Variants in ZBTB37 observed in about 807,000 individuals in gnomAD.
ZBTB37 encodes zinc finger and BTB domain-containing protein 37.
Under a neutral mutation model 37.7 loss-of-function variants are expected in ZBTB37, and 15 were observed. That is an observed-to-expected ratio of 0.40 (90% CI 0.27 to 0.61). ZBTB37 has a LOEUF of 0.61. Among genes scored for constraint, ZBTB37 ranks in the 20% least tolerant of loss-of-function variants. The pLI, the probability that ZBTB37 is intolerant of heterozygous loss-of-function variation, is 0.44. For synonymous variants in ZBTB37, 231 were observed against 220.6 expected, an observed-to-expected ratio of 1.05 and a Z score of -0.42; for missense variants, 514 against 641.9, an observed-to-expected ratio of 0.80 and a Z score of 2.15.
exon 4 of ZBTB37, chr1:173,898,650 G>T (rs1409845192): frequency 6.6e-6 from 1 of 152,118 alleles, no homozygotes; most frequent in Non-Finnish European, 1.5e-5. Flanking sequence ...TAGTCATGAT[G>T]TCCTCACCTG....
chr1:173,878,286 A>G (rs1391324382), intron 4 of ZBTB37, among the ~76,000 whole-genome samples: 2 of 152,110 alleles, frequency 1.3e-5, no homozygotes, highest in Non-Finnish European at 2.9e-5. Context: ...TTTTATTTGC[A>G]TTAGTTTTGT....
chr1:173,884,782 C>T (rs1572069363), intron 4 of ZBTB37, among the ~76,000 whole-genome samples: 1 of 152,154 alleles, frequency 6.6e-6, no homozygotes, highest in East Asian at 1.9e-4. Context: ...AGCCATTAGC[C>T]ACTTGTCACA....
chr1:173,876,103 C>T (rs1652981648), intron 4 of ZBTB37, among the ~76,000 whole-genome samples: 1 of 151,956 alleles, frequency 6.6e-6, no homozygotes, highest in African/African-American at 2.4e-5. Context: ...CTCTCCTTAG[C>T]AACTAGTATG....
At chr1:173,874,365 C>T (rs901241573) in intron 4 of ZBTB37, among the ~76,000 whole-genome samples, 1 of 147,294 alleles carries the variant, frequency 6.8e-6, no homozygotes, top group Admixed American at 6.7e-5. Context: ...GACGGAGTCT[C>T]GAGTCTCACC....
In ZBTB37 at chr1:173,879,856, C is replaced by A. The variant is rs542868219; in HGVS notation, c.1024-5780C>A. ...ATCTCAGCTACTCGGGAGGCTGCAACAGGAGAATCACTTGAACCTGGGAGG... is the reference window on the plus strand; with the variant it reads ...ATCTCAGCTACTCGGGAGGCTGCAAAAGGAGAATCACTTGAACCTGGGAGG... On this transcript the variant is annotated intron_variant, in intron 4 of 4. Transcript: ENST00000427304. 2.6e-5 allele frequency among the ~76,000 whole-genome samples: 4 copies of A among 152,270 alleles called. No individual in the cohort carries two copies. The South Asian group carries it at 8.3e-4, about 32-fold the overall frequency.
chr1:173,873,577 G>C lies in ZBTB37; in HGVS notation c.1023+11G>C. 1 of 1,614,006 alleles carries C rather than the reference G, an allele frequency of 6.2e-7. No homozygotes were observed. Among genetic ancestry groups the C allele is most frequent in the East Asian group, 2.2e-5 (1 of 44,878 alleles). On this transcript the variant is annotated intron_variant, in intron 4 of 4. Coordinates refer to ENST00000427304, the Ensembl canonical transcript of ZBTB37. ...CAACCCAGCTCCCAGGTATGGAGTTGTGGATTTAGAACTGCTTTGGTGGTT... is the reference window on the plus strand; with the variant it reads ...CAACCCAGCTCCCAGGTATGGAGTTCTGGATTTAGAACTGCTTTGGTGGTT...
At chr1:173,869,793 T>C (rs935453133) in intron 2 of ZBTB37, among the ~76,000 whole-genome samples, 2 of 152,234 alleles carry the variant, frequency 1.3e-5, no homozygotes, top group African/African-American at 4.8e-5. Flanking sequence ...TAGAATTGCA[T>C]TTATTCAGAA....
chr1:173,873,329 A>G (rs9286895), intron 3 of ZBTB37, 138 bp from the exon 4 acceptor site: 309,202 of 809,560 alleles, frequency 0.38, 66,248 homozygotes, highest in African/African-American at 0.77. Flanking sequence ...TTAACTCCAC[A>G]AAACTATTCC....
rs556540784 is a variant in ZBTB37, at chr1:173,885,623, T to C, written c.1024-13T>C. On this transcript the variant is annotated splice_polypyrimidine_tract_variant and intron_variant, in intron 4 of 4. Transcript: ENST00000427304. ...ATTTGTTCTTTCTTGGTTATTTTCC[T>C]TACCTGGTACAGGTAGAAGAGTCAG... The C allele has an allele frequency of 8.5e-6, 13 of 1,526,072 alleles. No individual in the cohort carries two copies. In the Admixed American group the frequency reaches 2.8e-4, roughly 33 times the overall value. The allele number at this position is 1,526,072 out of a possible 1,614,324, so 94.5% of individuals were successfully genotyped here. A position where few individuals can be genotyped will look rare whatever the true frequency, so the allele number is the denominator to read the frequency against.
downstream of ZBTB37, chr1:173,889,865 T>A (rs1430164065): frequency 6.6e-6 from 1 of 152,224 alleles, no homozygotes; most frequent in Non-Finnish European, 1.5e-5. Context: ...GAAAATTTTA[T>A]TTTTTGTCAT....
At chr1:173,875,699 G>T (rs564424774) in intron 4 of ZBTB37, among the ~76,000 whole-genome samples, 1 of 151,862 alleles carries the variant, frequency 6.6e-6, no homozygotes, top group Non-Finnish European at 1.5e-5. Flanking sequence ...TGGTTGACCA[G>T]GTTGCATTGC....
chr1:173,880,663 CAG>C (rs989369468), intron 4 of ZBTB37, among the ~76,000 whole-genome samples: 2 of 152,212 alleles, frequency 1.3e-5, no homozygotes, highest in Non-Finnish European at 2.9e-5. Flanking sequence ...CTCTTGACAA[CAG>C]AGAGAACCAT....
intron 4 of ZBTB37, among the ~76,000 whole-genome samples, chr1:173,884,212 C>T (rs1427538378): frequency 1.3e-5 from 2 of 150,462 alleles, no homozygotes; most frequent in Admixed American, 1.3e-4. Flanking sequence ...AGTGCAGTGG[C>T]CTGATGACAG....
At chr1:173,885,298 A>G (rs941965185) in intron 4 of ZBTB37, among the ~76,000 whole-genome samples, 2 of 152,166 alleles carry the variant, frequency 1.3e-5, no homozygotes, top group African/African-American at 4.8e-5. Flanking sequence ...CTAGAATATA[A>G]TTGTAAGATT....
At chr1:173,888,239 A>G (rs974754025), downstream of ZBTB37, 2 of 152,180 alleles carry the variant, frequency 1.3e-5, no homozygotes, top group Non-Finnish European at 2.9e-5. Flanking sequence ...GAATTAGCCA[A>G]AAATCCTTAG....
chr1:173,897,737 C>T (rs1441102516), exon 4 of ZBTB37: 1 of 152,242 alleles, frequency 6.6e-6, no homozygotes, highest in Non-Finnish European at 1.5e-5. Flanking sequence ...CAGCCACTGT[C>T]TACCCCATTC....
exon 4 of ZBTB37, chr1:173,873,476 C>G (rs1557883991): frequency 6.2e-7 from 1 of 1,609,160 alleles, no homozygotes; most frequent in Non-Finnish European, 8.5e-7. Context: ...GATTTAGCCC[C>G]TCCGGCAGTG....
intron 4 of ZBTB37, among the ~76,000 whole-genome samples, chr1:173,877,610 AGCTCAGTAGTG>A (rs1396191122): frequency 2.0e-5 from 3 of 151,930 alleles, no homozygotes; most frequent in African/African-American, 7.2e-5. Context: ...CGAATTCCTG[AGCTCAGTAGTG>A]GCTCACGCCT....
chr1:173,886,217 C>G, exon 5 of ZBTB37: 1 of 1,456,802 alleles, frequency 6.9e-7, no homozygotes, highest in South Asian at 1.5e-5. Flanking sequence ...TCACAAAATG[C>G]CACATCACTA....
Sources: allele counts gnomAD v4.1 joint callset (sites outside exome capture counted in the v4.1 genomes callset), GRCh38; gene constraint gnomAD v4.1.1; transcripts MANE v1.5; gene names NCBI Gene and HGNC (gene_info 2026-07-23, HGNC 2026-07-21).